The following DCDC2 variants were observed in gnomAD, a reference collection of about 807,000 sequenced individuals.
The protein encoded by DCDC2 is doublecortin domain-containing protein 2.
Under a neutral mutation model 50.2 loss-of-function variants are expected in DCDC2, and 40 were observed. That is an observed-to-expected ratio of 0.80 (90% CI 0.62 to 1.04). DCDC2 has a LOEUF of 1.04. Ranked by LOEUF, DCDC2 falls within the 50% of genes least tolerant of loss-of-function variation. The pLI, the probability that DCDC2 is intolerant of heterozygous loss-of-function variation, is 0.00. For synonymous variants in DCDC2, 234 were observed against 210.6 expected (o/e 1.11, Z -0.96); for missense variants, 570 against 581.9 (o/e 0.98, Z 0.21).
At chr6:24,193,280 A>G (rs1761350365) in intron 8 of DCDC2, among the ~76,000 whole-genome samples, 1 of 152,164 alleles carries the variant, frequency 6.6e-6, no homozygotes, top group South Asian at 2.1e-4. Context: ...TGTAACCAAG[A>G]TAGAGGAAGA....
intron 2 of DCDC2, among the ~76,000 whole-genome samples, chr6:24,340,098 T>C (rs760851812): frequency 4.6e-5 from 7 of 152,170 alleles, no homozygotes; most frequent in Non-Finnish European, 8.8e-5. Context: ...CATGCAGAGA[T>C]GAACATGTAG....
Position 24,183,825 on chromosome 6 carries a change from G to A in DCDC2, c.1024-5193C>T, listed in dbSNP as rs1055819292. On this transcript the variant is annotated intron_variant, in intron 8 of 9. Coordinates refer to ENST00000378454, the MANE Select transcript of DCDC2 (RefSeq NM_016356.5). ...ATGCGTAAACAAATCACATTACAAT[G>A]TGGAATGAGGCGAGAAGCAGTTAAG... Among the ~76,000 whole-genome samples, 5 of 152,180 alleles carry A rather than the reference G, an allele frequency of 3.3e-5. No individual in the cohort carries two copies. In the East Asian group the frequency reaches 9.6e-4, roughly 29 times the overall value.
intron 7 of DCDC2, among the ~76,000 whole-genome samples, chr6:24,215,698 G>A (rs947924298): frequency 7.9e-5 from 12 of 152,254 alleles, no homozygotes; most frequent in Admixed American, 2.0e-4. Flanking sequence ...CAATGAAATG[G>A]GAAACAAAGC....
chr6:24,244,824 A>G (rs1188082530), intron 7 of DCDC2, among the ~76,000 whole-genome samples: 1 of 152,220 alleles, frequency 6.6e-6, no homozygotes, highest in Non-Finnish European at 1.5e-5. Context: ...TGAAATGTAA[A>G]GTAGCATAAT....
intron 2 of DCDC2, among the ~76,000 whole-genome samples, chr6:24,341,518 T>TAA (rs373714754): frequency 0.029 from 4,280 of 149,308 alleles, 79 homozygotes; most frequent in African/African-American, 0.052. Context: ...TACCTTTTTT[T>TAA]AAAAAAAAAA....
chr6:24,174,157 G>A lies in DCDC2; in HGVS notation c.*573C>T, dbSNP rs1021517149. The A allele has an allele frequency of 1.3e-5, 2 of 152,554 alleles. No homozygotes were observed. The highest frequency in any genetic ancestry group is 2.9e-5 in the Non-Finnish European group (2 of 68,080). 9.5% of individuals were successfully genotyped at this position (152,554 alleles called of 1,614,324 possible). A position where few individuals can be genotyped will look rare whatever the true frequency, so the allele number is the denominator to read the frequency against. On this transcript the variant is annotated 3_prime_UTR_variant, in exon 10 of 10. Transcript: ENST00000378454. ...AACCAATGCTTCCTCCCACCAAAAT[G>A]AACGCCTTGCTCTGTCTTTGTAGTT... is the stretch of plus-strand genomic sequence containing the variant.
chr6:24,220,520 C>T (rs1284834654), intron 7 of DCDC2, among the ~76,000 whole-genome samples: 5 of 152,114 alleles, frequency 3.3e-5, no homozygotes. Flanking sequence ...TGCTCTGGAC[C>T]CCACAAATTA....
At chr6:24,293,822 C>G (rs1763802348) in intron 4 of DCDC2, among the ~76,000 whole-genome samples, 1 of 152,158 alleles carries the variant, frequency 6.6e-6, no homozygotes, top group African/African-American at 2.4e-5. Context: ...CAAAATCATA[C>G]CAAACACACC....
intron 2 of DCDC2, among the ~76,000 whole-genome samples, chr6:24,344,076 ACTGAAT>A (rs889274060): frequency 1.3e-5 from 2 of 152,122 alleles, no homozygotes; most frequent in African/African-American, 2.4e-5. Flanking sequence ...CTCCTGTCAA[ACTGAAT>A]CTTTGTACCC....
rs550064937 is a variant in DCDC2 at position 24,320,274 on chromosome 6, G to C, written c.349-18230C>G. Among the ~76,000 whole-genome samples, 4 of 152,286 alleles carry C rather than the reference G, an allele frequency of 2.6e-5. No individual in the cohort carries two copies. The East Asian group carries it at 7.7e-4, about 29-fold the overall frequency. ...GACTAGAATAAACCCCGTGGTGCTG[G>C]AGTAGAACTGGAGGTATCAGTACAA... On this transcript the variant is annotated intron_variant, in intron 2 of 9. Transcript: ENST00000378454.
At chr6:24,220,741 GAAGAA>G (rs1386560903) in intron 7 of DCDC2, among the ~76,000 whole-genome samples, 1 of 152,174 alleles carries the variant, frequency 6.6e-6, no homozygotes, top group Non-Finnish European at 1.5e-5. Context: ...AATTTATAAA[GAAGAA>G]AAGAGGTTTA....
intron 7 of DCDC2, chr6:24,205,391 A>G: frequency 7.2e-7 from 1 of 1,393,258 alleles, no homozygotes; most frequent in South Asian, 1.6e-5. Context: ...CCCTTTGTAC[A>G]GGCATTGAGA....
chr6:24,222,888 T>A (rs546812721), intron 7 of DCDC2, among the ~76,000 whole-genome samples: 2 of 152,362 alleles, frequency 1.3e-5, no homozygotes, highest in South Asian at 4.1e-4. Flanking sequence ...CATATTTGCT[T>A]ATTTGAATAT....
At chr6:24,253,121 C>T (rs1435978847) in intron 7 of DCDC2, among the ~76,000 whole-genome samples, 1 of 151,540 alleles carries the variant, frequency 6.6e-6, no homozygotes, top group Non-Finnish European at 1.5e-5. Context: ...CTATCCATTT[C>T]CAGAAGATAG....
upstream of DCDC2, among the ~76,000 whole-genome samples, chr6:24,362,477 T>TTTTTTTATTTAATTGTATATTTATACAA (rs1760685418): frequency 2.7e-5 from 2 of 73,638 alleles, no homozygotes; most frequent in Non-Finnish European, 5.4e-5. Context: ...ATTTATACAA[T>TTTTTTTATTTAATTGTATATTTATACAA]TTTTTTATTT....
chr6:24,284,368 GA>G (rs895825855), intron 6 of DCDC2, among the ~76,000 whole-genome samples: 7 of 152,048 alleles, frequency 4.6e-5, no homozygotes, highest in African/African-American at 1.4e-4. Flanking sequence ...AACACTTTGA[GA>G]GGCCGAGGCA....
intron 7 of DCDC2, among the ~76,000 whole-genome samples, chr6:24,243,544 T>C (rs986117754): frequency 1.3e-5 from 2 of 151,912 alleles, no homozygotes; most frequent in African/African-American, 4.8e-5. Context: ...GAGTGTTAGC[T>C]ATTGTTATTA....
chr6:24,257,612 A>G (rs1173577267), intron 7 of DCDC2, among the ~76,000 whole-genome samples: 3 of 152,132 alleles, frequency 2.0e-5, no homozygotes, highest in African/African-American at 4.8e-5. Flanking sequence ...AGACAGCTGC[A>G]AAGAGACATA....
chr6:24,256,749 T>C (rs1762905816), intron 7 of DCDC2, among the ~76,000 whole-genome samples: 2 of 152,214 alleles, frequency 1.3e-5, no homozygotes, highest in Admixed American at 6.5e-5. Context: ...AAAGTGGCTT[T>C]TAAATCCTCT....
Sources: allele counts gnomAD v4.1 joint callset (sites outside exome capture counted in the v4.1 genomes callset), GRCh38; gene constraint gnomAD v4.1.1; transcripts MANE v1.5; gene names NCBI Gene and HGNC (gene_info 2026-07-23, HGNC 2026-07-21).